Variants in PAX3 observed in about 807,000 individuals in gnomAD.
The protein encoded by PAX3 is paired box 3.
In PAX3, 14 loss-of-function variants were observed where a neutral mutation model predicts 51.6. That is an observed-to-expected ratio of 0.27 (90% confidence interval 0.18 to 0.42). The LOEUF (loss-of-function observed/expected upper bound fraction) is 0.42. Ranked by LOEUF, PAX3 falls within the 10% of genes least tolerant of loss-of-function variation. The pLI, the probability that PAX3 is intolerant of heterozygous loss-of-function variation, is 1.00. For synonymous variants in PAX3, 280 were observed against 253.4 expected, an observed-to-expected ratio of 1.11 and a Z score of -1.00; for missense variants, 540 against 642.8, an observed-to-expected ratio of 0.84 and a Z score of 1.73.
rs776672400 is a variant in PAX3 at position 222,221,317 on chromosome 2, T to C, written c.863A>G (p.His288Arg). ...GGGAGGGAACCCCCCGGGAATGAGATGGTTGAAAGCCATCAGTTGATTGGC... is the reference window on the plus strand; with the variant it reads ...GGGAGGGAACCCCCCGGGAATGAGACGGTTGAAAGCCATCAGTTGATTGGC... ...AGANQLMAFNHLIPGGFPPTA... is the reference protein window; with the variant it reads ...AGANQLMAFNRLIPGGFPPTA... The change falls in exon 6 of 9, where the codon CAT (histidine) becomes CGT (arginine). Residue 288 changes from histidine to arginine, a missense_variant. His to Arg is a conservative substitution (Grantham distance 29, BLOSUM62 0). Around this residue, in one of 3 missense-constraint regions of PAX3, gnomAD observed 427 missense variants for 483.6 expected, o/e 0.88. Coordinates refer to ENST00000392070, the MANE Select transcript of PAX3 (RefSeq NM_181458.4). The C allele has an allele frequency of 4.3e-6, 7 of 1,614,102 alleles. No individual in the cohort carries two copies. The South Asian group carries it at 6.6e-5, about 15-fold the overall frequency.
chr2:222,252,990 A>G lies in PAX3; in HGVS notation c.587-20707T>C, dbSNP rs1369781750. Among the ~76,000 whole-genome samples the G allele has an allele frequency of 2.6e-5, 4 of 152,090 alleles. No individual in the cohort carries two copies. The South Asian group carries it at 8.3e-4, about 32-fold the overall frequency. ...CAACTACTCTCCCAGAAATGCTAGA[A>G]CCAAAGTTGTCACCTCACTCCCCAA... On this transcript the variant is annotated intron_variant, in intron 4 of 8. Coordinates refer to ENST00000392070, the MANE Select transcript of PAX3 (RefSeq NM_181458.4).
chr2:222,267,706 T>C lies in PAX3; in HGVS notation c.586+26461A>G, dbSNP rs917202964. ...GTTTAGTTAAGCAGCTACTGCTCTATTGACTGTCTCTGAGATAGTGACACC... is the reference window on the plus strand; with the variant it reads ...GTTTAGTTAAGCAGCTACTGCTCTACTGACTGTCTCTGAGATAGTGACACC... On this transcript the variant is annotated intron_variant, in intron 4 of 8. Transcript: ENST00000392070. 3.9e-5 allele frequency among the ~76,000 whole-genome samples: 6 copies of C among 152,220 alleles called. No homozygotes were observed. In the East Asian group the frequency reaches 9.6e-4, roughly 24 times the overall value.
chr2:222,237,948 T>G (rs1376669841), intron 4 of PAX3, among the ~76,000 whole-genome samples: 1 of 152,228 alleles, frequency 6.6e-6, no homozygotes, highest in Non-Finnish European at 1.5e-5. Context: ...GTGTGATCAC[T>G]GAAAGCATCA....
At chr2:222,239,605 T>C (rs1692931920) in intron 4 of PAX3, among the ~76,000 whole-genome samples, 1 of 152,162 alleles carries the variant, frequency 6.6e-6, no homozygotes, top group African/African-American at 2.4e-5. Context: ...AAGCCATACA[T>C]TGAACTTTCC....
intron 4 of PAX3, among the ~76,000 whole-genome samples, chr2:222,280,468 G>T (rs1033936680): frequency 2.0e-5 from 3 of 152,180 alleles, no homozygotes; most frequent in Admixed American, 6.5e-5. Flanking sequence ...CTGTGCAATG[G>T]TTTAGTTTCA....
chr2:222,280,034 A>ATG (rs1694579754), intron 4 of PAX3, among the ~76,000 whole-genome samples: 1 of 152,008 alleles, frequency 6.6e-6, no homozygotes, highest in South Asian at 2.1e-4. Context: ...AACATGGTAA[A>ATG]ACCCCATCTC....
At chr2:222,236,269 T>C (rs746026994) in intron 4 of PAX3, among the ~76,000 whole-genome samples, 9 of 152,202 alleles carry the variant, frequency 5.9e-5, no homozygotes, top group Non-Finnish European at 1.2e-4. Flanking sequence ...TGTTTGTTTG[T>C]TTGTTTTAGA....
At position 222,233,614 on chromosome 2, in the gene PAX3, G is replaced by C. The variant is rs534271628; in HGVS notation, c.587-1331C>G. On this transcript the variant is annotated intron_variant, in intron 4 of 8. Coordinates refer to ENST00000392070, the MANE Select transcript of PAX3 (RefSeq NM_181458.4). Reference sequence around the variant, plus strand: ...CTGCAGTGTGAGGGAGAATGCATCAGACCAGGGCTACAGGCAGGAAGAGCA... The same window carrying C: ...CTGCAGTGTGAGGGAGAATGCATCACACCAGGGCTACAGGCAGGAAGAGCA... 5.9e-5 allele frequency among the ~76,000 whole-genome samples: 9 copies of C among 152,222 alleles called. No homozygotes were observed. The East Asian group carries it at 1.7e-3, about 29-fold the overall frequency.
chr2:222,232,693 C>A (rs1034784747), intron 4 of PAX3, among the ~76,000 whole-genome samples: 6 of 152,036 alleles, frequency 3.9e-5, no homozygotes, highest in African/African-American at 1.5e-4. Context: ...GTGCTTCCTT[C>A]GTGTCTAATG....
At chr2:222,222,741 G>T (rs1459396745) in intron 5 of PAX3, among the ~76,000 whole-genome samples, 1 of 152,164 alleles carries the variant, frequency 6.6e-6, no homozygotes, top group African/African-American at 2.4e-5. Flanking sequence ...GATATAAAGG[G>T]AATCAAGTAG....
chr2:222,272,133 G>A (rs16863631), intron 4 of PAX3, among the ~76,000 whole-genome samples: 14,129 of 152,134 alleles, frequency 0.093, 886 homozygotes, highest in East Asian at 0.34. Context: ...CATAGTAGCC[G>A]CCACTGTTTA....
chr2:222,268,195 A>G (rs1467117444), intron 4 of PAX3, among the ~76,000 whole-genome samples: 1 of 152,188 alleles, frequency 6.6e-6, no homozygotes, highest in Non-Finnish European at 1.5e-5. Context: ...AAGGCTGGTC[A>G]TGTTTTGCAA....
At chr2:222,262,156 T>G (rs1693885572) in intron 4 of PAX3, among the ~76,000 whole-genome samples, 1 of 152,252 alleles carries the variant, frequency 6.6e-6, no homozygotes, top group South Asian at 2.1e-4. Flanking sequence ...TTTATCCATG[T>G]TGTTGCATAT....
At chr2:222,283,116 A>C (rs998573019) in intron 4 of PAX3, among the ~76,000 whole-genome samples, 1 of 152,248 alleles carries the variant, frequency 6.6e-6, no homozygotes, top group African/African-American at 2.4e-5. Flanking sequence ...ATAAACTCAC[A>C]CGTGTGCCAA....
At position 222,274,502 on chromosome 2, in the gene PAX3, C is replaced by T. The variant is rs915518269; in HGVS notation, c.586+19665G>A. On this transcript the variant is annotated intron_variant, in intron 4 of 8. Coordinates refer to ENST00000392070, the MANE Select transcript of PAX3 (RefSeq NM_181458.4). The stretch of plus-strand genomic sequence containing the variant: ...TGTTCAAATTATTTTAACCAGCAAA[C>T]GTAACCACCTCTATAAAGGAAGTTT... 1.1e-4 allele frequency among the ~76,000 whole-genome samples: 17 copies of T among 150,890 alleles called. No homozygotes were observed. The East Asian group carries it at 1.2e-3, about 10-fold the overall frequency.
At chr2:222,249,808 G>C (rs1276970921) in intron 4 of PAX3, among the ~76,000 whole-genome samples, 3 of 152,128 alleles carry the variant, frequency 2.0e-5, no homozygotes, top group African/African-American at 7.2e-5. Context: ...TGCCCTTCCT[G>C]CTAATGACAC....
intron 4 of PAX3, among the ~76,000 whole-genome samples, chr2:222,238,933 C>A (rs1692901792): frequency 6.6e-6 from 1 of 152,116 alleles, no homozygotes; most frequent in Non-Finnish European, 1.5e-5. Context: ...GTGAGTTTTG[C>A]CATTCAACGT....
chr2:222,296,970 C>A lies in PAX3; in HGVS notation c.321+8G>T. On this transcript the variant is annotated splice_region_variant and intron_variant, in intron 2 of 8. Transcript: ENST00000392070. ...TGGGAGCCAGGAGGGCAAGGCCCGC[C>A]CGCTCACCTTGGGCTTGCTGCCGCC... The A allele has an allele frequency of 6.2e-7, 1 of 1,608,624 alleles. No homozygotes were observed.
chr2:222,203,649 G>A (rs1363143787), intron 7 of PAX3, among the ~76,000 whole-genome samples: 1 of 152,064 alleles, frequency 6.6e-6, no homozygotes, highest in African/African-American at 2.4e-5. Context: ...GGTGAGGCGG[G>A]GGGCGGGTCT....
Sources: allele counts gnomAD v4.1 joint callset (sites outside exome capture counted in the v4.1 genomes callset), GRCh38; gene constraint gnomAD v4.1.1; regional missense constraint gnomAD v4.1.1; transcripts MANE v1.5; gene names NCBI Gene and HGNC (gene_info 2026-07-23, HGNC 2026-07-21).